OR9G4: variants seen among roughly 807,000 people sequenced by gnomAD.
OR9G4 encodes the protein olfactory receptor 9G4.
In OR9G4, 19 loss-of-function variants were observed where a neutral mutation model predicts 16.7. The ratio of observed to expected loss-of-function variants is 1.14; its 90% CI spans 0.79 to 1.67. The LOEUF is 1.67. Ranked by LOEUF, OR9G4 falls within the 40% of genes most tolerant of loss-of-function variation. The probability of loss-of-function intolerance (pLI) is 0.00; values close to 1 mark genes in which losing one functional copy is unlikely to be tolerated. For synonymous variants in OR9G4, 182 were observed against 146.2 expected (o/e 1.24, Z -1.76); for missense variants, 428 against 370.4 (o/e 1.16, Z -1.28).
chr11:56,744,558 A>G (rs78616654), intron 1 of OR9G4, among the ~76,000 whole-genome samples: 2,016 of 152,300 alleles, frequency 0.013, 52 homozygotes, highest in African/African-American at 0.044. Flanking sequence ...ATATAAATAC[A>G]TTATGACCAT....
intron 1 of OR9G4, among the ~76,000 whole-genome samples, chr11:56,747,865 A>T (rs191043260): frequency 2.6e-5 from 4 of 152,182 alleles, no homozygotes. Flanking sequence ...TAGTAAAGAC[A>T]GGGCTTCACT....
intron 1 of OR9G4, among the ~76,000 whole-genome samples, chr11:56,746,956 A>AAT (rs1858425326): frequency 6.6e-6 from 1 of 152,156 alleles, no homozygotes; most frequent in Non-Finnish European, 1.5e-5. Context: ...TTTTCAATAC[A>AAT]ACAGCCAGTG....
In OR9G4 at chr11:56,743,716, G is replaced by A. The variant is rs561323891; in HGVS notation, c.51C>T (p.Phe17=). 39 of 1,614,172 alleles carry A rather than the reference G, an allele frequency of 2.4e-5. No individual in the cohort carries two copies. In the South Asian group the frequency reaches 4.1e-4, roughly 17 times the overall value. The change falls in exon 2 of 2, where the codon TTC becomes TTT. Residue 17 remains phenylalanine, a synonymous_variant. Coordinates refer to ENST00000641668, the MANE Select transcript of OR9G4 (RefSeq NM_001005284.2). ...TILTEFILLG[F]SADSQWQPIL... is the part of the protein sequence containing the mutation. ...TCGGCTGCCACTGGGAATCTGCTGA[G>A]AAACCCAACAAGATGAATTCAGTCA...
chr11:56,743,794 A>G lies in OR9G4; in HGVS notation c.-22-6T>C, dbSNP rs755285844. The G allele has an allele frequency of 2.4e-5, 39 of 1,610,496 alleles. No homozygotes were observed. The highest frequency in any genetic ancestry group is 4.5e-5 in the East Asian group (2 of 44,864). ...CCACGGAGGTGAAAGCCTGACTATC[A>G]TGAGAAGGGAAAATCATCACTTAGT... is the stretch of plus-strand genomic sequence containing the variant. On this transcript the variant is annotated splice_region_variant and splice_polypyrimidine_tract_variant and intron_variant, in intron 1 of 1. Coordinates refer to ENST00000641668, the MANE Select transcript of OR9G4 (RefSeq NM_001005284.2).
rs1313334390 is a variant in OR9G4 at position 56,743,219 on chromosome 11, G to A, written c.548C>T (p.Pro183Leu). ...GTTTGTACAGGACATTTTTACCAATGGTGGTGCATCACAGAAAAAGTGGTC... is the reference window on the plus strand; with the variant it reads ...GTTTGTACAGGACATTTTTACCAATAGTGGTGCATCACAGAAAAAGTGGTC... ...IIDHFFCDAP[P>L]LVKMSCTNTR... is the part of the protein sequence containing the mutation. The change falls in exon 2 of 2, where the codon CCA (proline) becomes CTA (leucine). Residue 183 changes from proline (P) to leucine (L), a missense_variant. Coordinates refer to ENST00000641668, the MANE Select transcript of OR9G4 (RefSeq NM_001005284.2). The A allele has an allele frequency of 6.8e-6, 11 of 1,613,962 alleles. No homozygotes were observed. Among genetic ancestry groups the A allele is most frequent in the Admixed American group, 1.7e-5 (1 of 59,992 alleles).
At chr11:56,743,962 A>C (rs1858362227) in intron 1 of OR9G4, 174 bp from the exon 2 acceptor site, 1 of 664,808 alleles carries the variant, frequency 1.5e-6, no homozygotes, top group Non-Finnish European at 2.5e-6. Flanking sequence ...GGAGTCAAAA[A>C]TAATTTGAAA....
Position 56,742,613 on chromosome 11 carries a change from T to G in OR9G4, c.*215A>C, listed in dbSNP as rs1048082435. The G allele has an allele frequency of 3.7e-6, 2 of 536,964 alleles. No individual in the cohort carries two copies. Among genetic ancestry groups the G allele is most frequent in the Non-Finnish European group, 6.5e-6 (2 of 305,944 alleles). 33.3% of individuals were successfully genotyped at this position (536,964 alleles called of 1,614,324 possible). ...ATGCTGCCAAGGCAAAATACCATATTGCAGAATGCCAAACAACCCAATATT... is the reference window on the plus strand; with the variant it reads ...ATGCTGCCAAGGCAAAATACCATATGGCAGAATGCCAAACAACCCAATATT... On this transcript the variant is annotated 3_prime_UTR_variant, in exon 2 of 2. Coordinates refer to ENST00000641668, the MANE Select transcript of OR9G4 (RefSeq NM_001005284.2).
chr11:56,744,334 G>A (rs568132258), intron 1 of OR9G4, among the ~76,000 whole-genome samples: 53 of 152,296 alleles, frequency 3.5e-4, no homozygotes, highest in African/African-American at 8.7e-4. Context: ...GATTACAGGC[G>A]TGAGCCATCG....
chr11:56,747,734 G>A (rs908136186), intron 1 of OR9G4, among the ~76,000 whole-genome samples: 4 of 151,756 alleles, frequency 2.6e-5, no homozygotes, highest in African/African-American at 9.7e-5. Flanking sequence ...GACTGCAGTG[G>A]CACAATCTCC....
Position 56,742,240 on chromosome 11 carries a change from A to C in OR9G4, c.*588T>G, listed in dbSNP as rs1858312398. The C allele has an allele frequency of 6.5e-6, 1 of 152,910 alleles. No homozygotes were observed. Among genetic ancestry groups the C allele is most frequent in the Admixed American group, 6.5e-5 (1 of 15,344 alleles). The allele number at this position is 152,910 out of a possible 1,614,324, so 9.5% of individuals were successfully genotyped here. ...TTCTAAAGACACATATTTATTCATT[A>C]ATTTTGAGATAGTTTTTTGTTGTCA... On this transcript the variant is annotated 3_prime_UTR_variant, in exon 2 of 2. Coordinates refer to ENST00000641668, the MANE Select transcript of OR9G4 (RefSeq NM_001005284.2).
Position 56,743,403 on chromosome 11 carries a change from G to T in OR9G4, c.364C>A (p.Arg122Ser), listed in dbSNP as rs199908718. Residue 122 changes from arginine (R) to serine (S), a missense_variant, in exon 2 of 2, where the codon CGC (arginine) becomes AGC (serine). Arg to Ser is a moderately radical substitution (Grantham distance 110, BLOSUM62 -1). Coordinates refer to ENST00000641668, the MANE Select transcript of OR9G4 (RefSeq NM_001005284.2). ...AATGGGTTACAAATTGCTGCATGGC[G>T]GTCATATGCCATGGCTGCCAGGAGA... is the stretch of plus-strand genomic sequence containing the variant. ...CYLLAAMAYD[R>S]HAAICNPLLY... 1.2e-6 allele frequency: 2 copies of T among 1,614,056 alleles called. No homozygotes were observed. The highest frequency in any genetic ancestry group is 2.2e-5 in the South Asian group (2 of 91,072).
Position 56,743,469 on chromosome 11 carries a change from G to A in OR9G4, c.298C>T (p.Gln100Ter), listed in dbSNP as rs763276920. 3.1e-6 allele frequency: 5 copies of A among 1,613,924 alleles called. No homozygotes were observed. The highest frequency in any genetic ancestry group is 4.2e-6 in the Non-Finnish European group (5 of 1,180,022). The stretch of plus-strand genomic sequence containing the variant: ...GCTACAACACAGGAAAAAAACAGCT[G>A]AGCCCCACATCCAGCCAAGGAAATG... ...KRISLAGCGA[Q>*]LFFSCVVAYT... Residue 100 changes from glutamine (Q) to a stop codon, truncating the protein, a stop_gained, in exon 2 of 2, where the codon CAG becomes TAG. Coordinates refer to ENST00000641668, the MANE Select transcript of OR9G4 (RefSeq NM_001005284.2). LOFTEE classifies it high-confidence loss of function.
rs674188 is a variant in OR9G4 at position 56,742,590 on chromosome 11, G to A, written c.*238C>T. ...CAATGAAATCTATGAAAGATTTAAT[G>A]CTGCCAAGGCAAAATACCATATTGC... On this transcript the variant is annotated 3_prime_UTR_variant, in exon 2 of 2. Coordinates refer to ENST00000641668, the MANE Select transcript of OR9G4 (RefSeq NM_001005284.2). The A allele has an allele frequency of 1, 465,141 of 466,830 alleles. 231,750 individuals carry two copies. Among genetic ancestry groups the A allele is most frequent in the East Asian group, 1 (27,888 of 27,888 alleles). The allele number at this position is 466,830 out of a possible 1,614,324, so 28.9% of individuals were successfully genotyped here.
At position 56,741,937 on chromosome 11, in the gene OR9G4, T is replaced by C. The variant is rs777347954; in HGVS notation, c.*891A>G. On this transcript the variant is annotated 3_prime_UTR_variant, in exon 2 of 2. Coordinates refer to ENST00000641668, the MANE Select transcript of OR9G4 (RefSeq NM_001005284.2). Reference sequence around the variant, plus strand: ...GCTAGTTTCCATGTGGTTAGCAACATGTTTGATTTTTCAGGGTTTCAGGCA... The same window carrying C: ...GCTAGTTTCCATGTGGTTAGCAACACGTTTGATTTTTCAGGGTTTCAGGCA... 1 of 152,266 alleles carries C rather than the reference T, an allele frequency of 6.6e-6. No individual in the cohort carries two copies. The highest frequency in any genetic ancestry group is 1.5e-5 in the Non-Finnish European group (1 of 68,092). The allele number at this position is 152,266 out of a possible 1,614,324, so 9.4% of individuals were successfully genotyped here.
intron 1 of OR9G4, 38 bp downstream of exon 1, chr11:56,748,618 G>A (rs1031440383): frequency 6.6e-6 from 1 of 152,248 alleles, no homozygotes; most frequent in African/African-American, 2.4e-5. Context: ...TCAGAGAAAG[G>A]CCAGACTTCC....
chr11:56,746,589 G>A (rs1858420862), intron 1 of OR9G4, among the ~76,000 whole-genome samples: 1 of 152,130 alleles, frequency 6.6e-6, no homozygotes, highest in Admixed American at 6.5e-5. Flanking sequence ...GTTTGGTCGG[G>A]TGCTAATATG....
chr11:56,746,725 G>A (rs994631514), intron 1 of OR9G4, among the ~76,000 whole-genome samples: 1 of 152,064 alleles, frequency 6.6e-6, no homozygotes, highest in South Asian at 2.1e-4. Flanking sequence ...ACTCTTCCAG[G>A]ATCTGAAGTC....
chr11:56,744,783 C>T (rs1006842614), intron 1 of OR9G4, among the ~76,000 whole-genome samples: 14 of 152,130 alleles, frequency 9.2e-5, no homozygotes, highest in Non-Finnish European at 1.3e-4. Context: ...CATCTGGCTG[C>T]GCTCACTCTG....
chr11:56,745,600 C>G (rs1858395117), intron 1 of OR9G4, among the ~76,000 whole-genome samples: 1 of 151,802 alleles, frequency 6.6e-6, no homozygotes, highest in Admixed American at 6.6e-5. Context: ...ACCAACATAG[C>G]AAAATCCTGT....
Sources: allele counts gnomAD v4.1 joint callset (sites outside exome capture counted in the v4.1 genomes callset), GRCh38; gene constraint gnomAD v4.1.1; transcripts MANE v1.5; gene names NCBI Gene and HGNC (gene_info 2026-07-23, HGNC 2026-07-21).